The following ZNF440 variants were observed in gnomAD, a reference collection of about 807,000 sequenced individuals.
The protein encoded by ZNF440 is zinc finger protein 440.
In ZNF440, 47 loss-of-function variants were observed where a neutral mutation model predicts 49.7. The observed-to-expected ratio is 0.95, with a 90% confidence interval of 0.75 to 1.21. The LOEUF is 1.21. ZNF440 is among the 50% of genes most tolerant of loss of function. ZNF440 has a pLI of 0.00. For synonymous variants in ZNF440, 255 were observed against 237.7 expected (o/e 1.07, Z -0.67); for missense variants, 703 against 715.0 (o/e 0.98, Z 0.19).
chr19:11,822,905 T>TCC (rs1426172448), intron 1 of ZNF440, among the ~76,000 whole-genome samples: 1 of 151,554 alleles, frequency 6.6e-6, no homozygotes, highest in African/African-American at 2.4e-5. Context: ...GGTCTATCTT[T>TCC]GTCTCTCTGA....
intron 1 of ZNF440, among the ~76,000 whole-genome samples, chr19:11,814,666 G>T (rs1210443769): frequency 2.6e-5 from 4 of 152,198 alleles, no homozygotes; most frequent in Non-Finnish European, 5.9e-5. Context: ...AGCCTAATCT[G>T]GGCAGCTCCG....
chr19:11,822,604 T>A (rs772025699), intron 1 of ZNF440, among the ~76,000 whole-genome samples: 4 of 152,160 alleles, frequency 2.6e-5, no homozygotes, highest in African/African-American at 4.8e-5. Flanking sequence ...TCCTAGCACT[T>A]TGGGAGGCTG....
rs1467518710 is a variant in ZNF440, at chr19:11,814,414, G to A, written c.-34G>A. The A allele has an allele frequency of 6.4e-7, 1 of 1,558,930 alleles. No individual in the cohort carries two copies. The highest frequency in any genetic ancestry group is 8.7e-7 in the Non-Finnish European group (1 of 1,154,152). The stretch of plus-strand genomic sequence containing the variant: ...GACCTACACTAGTCGCGGGAGCCAC[G>A]CAGAGGACGCCGGAACACCCTGGAA... On this transcript the variant is annotated 5_prime_UTR_variant, in exon 1 of 4. Coordinates refer to ENST00000304060, the MANE Select transcript of ZNF440 (RefSeq NM_152357.3).
intron 1 of ZNF440, among the ~76,000 whole-genome samples, chr19:11,826,949 C>T (rs1975874320): frequency 6.6e-6 from 1 of 152,086 alleles, no homozygotes; most frequent in Admixed American, 6.5e-5. Flanking sequence ...AGGCATGAGC[C>T]ACTGCGCCCG....
rs943361576 is a variant in ZNF440 at position 11,814,370 on chromosome 19, G to A, written c.-78G>A. ...AGGTGCCTCCACCAGAGCTTCTGTC[G>A]CTCTGTAACCTGCACTGTGACCTAC... On this transcript the variant is annotated 5_prime_UTR_variant, in exon 1 of 4. Transcript: ENST00000304060. The A allele has an allele frequency of 4.7e-6, 7 of 1,480,300 alleles. No individual in the cohort carries two copies. The highest frequency in any genetic ancestry group is 2.8e-5 in the East Asian group (1 of 36,178). 91.7% of individuals were successfully genotyped at this position (1,480,300 alleles called of 1,614,324 possible).
At chr19:11,818,256 CA>C (rs1364348379) in intron 1 of ZNF440, among the ~76,000 whole-genome samples, 1 of 151,974 alleles carries the variant, frequency 6.6e-6, no homozygotes, top group East Asian at 1.9e-4. Flanking sequence ...ATCTTGAAAG[CA>C]CATATTATTA....
intron 1 of ZNF440, chr19:11,817,427 C>G (rs770318718): frequency 5.3e-5 from 8 of 152,000 alleles, no homozygotes; most frequent in Non-Finnish European, 1.0e-4. Context: ...GAAACCCCAT[C>G]TCTTCCAAAA....
chr19:11,830,077 T>G, intron 1 of ZNF440: 4 of 1,052,086 alleles, frequency 3.8e-6, no homozygotes, highest in Non-Finnish European at 5.3e-6. Context: ...GCCATTGCAC[T>G]GCAGCCTGGG....
Position 11,814,462 on chromosome 19 carries a change from G to A in ZNF440, c.3+12G>A, listed in dbSNP as rs1307240488. 6.5e-7 allele frequency: 1 copy of A among 1,527,536 alleles called. No homozygotes were observed. The highest frequency in any genetic ancestry group is 1.2e-5 in the South Asian group (1 of 80,908). The allele number at this position is 1,527,536 out of a possible 1,614,324, so 94.6% of individuals were successfully genotyped here. A position where few individuals can be genotyped will look rare whatever the true frequency, so the allele number is the denominator to read the frequency against. On this transcript the variant is annotated intron_variant, in intron 1 of 3. Coordinates refer to ENST00000304060, the MANE Select transcript of ZNF440 (RefSeq NM_152357.3). ...GAAGCCGAGAAATGGTGTGTGTGAG[G>A]GGGCTGGCGTCCGGGCGACTGGGAG... is the stretch of plus-strand genomic sequence containing the variant.
rs1599299025 is a variant in ZNF440, at chr19:11,833,007, G to C, written c.*43G>C. The C allele has an allele frequency of 8.7e-6, 14 of 1,600,546 alleles. No individual in the cohort carries two copies. The highest frequency in any genetic ancestry group is 1.2e-5 in the Non-Finnish European group (14 of 1,177,024). ...CCTTATAAATGTAAGATATGTGGGA[G>C]GGGCTTTTATTCTGCCAAGTCATTT... On this transcript the variant is annotated 3_prime_UTR_variant, in exon 4 of 4. Coordinates refer to ENST00000304060, the MANE Select transcript of ZNF440 (RefSeq NM_152357.3).
intron 1 of ZNF440, among the ~76,000 whole-genome samples, chr19:11,826,552 G>GGAGA (rs2145125849): frequency 6.6e-6 from 1 of 152,260 alleles, no homozygotes; most frequent in Admixed American, 6.5e-5. Context: ...CCCTAGTGAA[G>GGAGA]GAGAGTTCAC....
At chr19:11,826,711 C>T (rs563220745) in intron 1 of ZNF440, among the ~76,000 whole-genome samples, 10 of 150,706 alleles carry the variant, frequency 6.6e-5, no homozygotes, top group East Asian at 2.0e-4. Flanking sequence ...TTGCCCGGAC[C>T]GGAGTACAAT....
chr19:11,831,709 G>GA lies in ZNF440; in HGVS notation c.538dup (p.Thr180AsnfsTer22). On this transcript the variant is annotated frameshift_variant, in exon 4 of 4. Transcript: ENST00000304060. LOFTEE classifies it high-confidence loss of function. ...AAACCCAATGCTTGTAAAGTATGTG[G>GA]AAAAACCTTTATTTCCCATTCAAGT... The GA allele has an allele frequency of 6.2e-7, 1 of 1,614,096 alleles. No individual in the cohort carries two copies. The highest frequency in any genetic ancestry group is 1.7e-5 in the Admixed American group (1 of 60,006).
At chr19:11,819,631 C>T (rs1042785364) in intron 1 of ZNF440, among the ~76,000 whole-genome samples, 2 of 152,182 alleles carry the variant, frequency 1.3e-5, no homozygotes, top group African/African-American at 2.4e-5. Flanking sequence ...AACTCCTGGC[C>T]TCAAGTGATC....
chr19:11,819,036 G>T (rs902409224), intron 1 of ZNF440, among the ~76,000 whole-genome samples: 1 of 152,262 alleles, frequency 6.6e-6, no homozygotes, highest in South Asian at 2.1e-4. Flanking sequence ...GGCCCTGTGG[G>T]ATGGCTCACA....
rs542310405 is a variant in ZNF440 at position 11,820,348 on chromosome 19, C to G, written c.3+5898C>G. Among the ~76,000 whole-genome samples the G allele has an allele frequency of 7.4e-4, 113 of 152,276 alleles. 2 individuals are homozygous for G. The South Asian group carries it at 0.023, about 31-fold the overall frequency. Reference sequence around the variant, plus strand: ...TCTCCTGCCTCAGCCTCCCGAGTAGCTGGGATTACAGGCACCTGCCACCAC... The same window carrying G: ...TCTCCTGCCTCAGCCTCCCGAGTAGGTGGGATTACAGGCACCTGCCACCAC... On this transcript the variant is annotated intron_variant, in intron 1 of 3. Coordinates refer to ENST00000304060, the MANE Select transcript of ZNF440 (RefSeq NM_152357.3).
intron 1 of ZNF440, among the ~76,000 whole-genome samples, chr19:11,823,298 G>T (rs948876628): frequency 1.3e-5 from 2 of 151,918 alleles, no homozygotes; most frequent in Non-Finnish European, 2.9e-5. Flanking sequence ...ATACTATATT[G>T]GGGGTAGGTT....
At chr19:11,821,487 TTGTGTCAAC>T (rs929963629) in intron 1 of ZNF440, among the ~76,000 whole-genome samples, 2 of 152,112 alleles carry the variant, frequency 1.3e-5, no homozygotes, top group Non-Finnish European at 2.9e-5. Flanking sequence ...GTCCTCTGGA[TTGTGTCAAC>T]TGTGAAGGGA....
rs547995118 is a variant in ZNF440, at chr19:11,818,289, A to G, written c.3+3839A>G. Among the ~76,000 whole-genome samples, 10 of 152,290 alleles carry G rather than the reference A, an allele frequency of 6.6e-5. No homozygotes were observed. The South Asian group carries it at 2.1e-3, about 32-fold the overall frequency. Reference sequence around the variant, plus strand: ...ATTATGGGTATTGGGACATCAGGACATTCTGTTGTTGTGGGAGTGTAAGGA... The same window carrying G: ...ATTATGGGTATTGGGACATCAGGACGTTCTGTTGTTGTGGGAGTGTAAGGA... On this transcript the variant is annotated intron_variant, in intron 1 of 3. Transcript: ENST00000304060.
Sources: allele counts gnomAD v4.1 joint callset (sites outside exome capture counted in the v4.1 genomes callset), GRCh38; gene constraint gnomAD v4.1.1; transcripts MANE v1.5; gene names NCBI Gene and HGNC (gene_info 2026-07-23, HGNC 2026-07-21).